Variants in ADAMTSL1 observed in about 807,000 individuals in gnomAD.
The protein encoded by ADAMTSL1 is ADAMTS like 1.
ADAMTSL1 carries 126 observed loss-of-function variants against 201.8 expected under a neutral mutation model. The ratio of observed to expected loss-of-function variants is 0.62; its 90% confidence interval spans 0.54 to 0.72. The LOEUF is 0.72. Ranked by LOEUF, ADAMTSL1 falls within the 30% of genes least tolerant of loss-of-function variation. ADAMTSL1 has a pLI of 0.00. For missense variants in ADAMTSL1, 2,679 were observed against 2,277.8 expected (o/e 1.18, Z -3.59); for synonymous variants, 1,121 against 903.4 (o/e 1.24, Z -4.32).
intron 1 of ADAMTSL1, among the ~76,000 whole-genome samples, chr9:18,096,668 G>T (rs1156817816): frequency 1.3e-5 from 2 of 152,134 alleles, no homozygotes; most frequent in African/African-American, 2.4e-5. Context: ...TTAAAATACA[G>T]ACATTAAGAA....
chr9:18,207,887 C>A (rs540443648), intron 2 of ADAMTSL1, among the ~76,000 whole-genome samples: 1 of 150,418 alleles, frequency 6.6e-6, no homozygotes, highest in East Asian at 2.0e-4. Flanking sequence ...TAAAAAAAAA[C>A]AAGATAGAAT....
At chr9:18,710,464 A>G (rs2133351764) in intron 14 of ADAMTSL1, among the ~76,000 whole-genome samples, 1 of 152,314 alleles carries the variant, frequency 6.6e-6, no homozygotes, top group Admixed American at 6.5e-5. Flanking sequence ...ACTTCAGATT[A>G]GAATGTAGTA....
In ADAMTSL1 at chr9:18,776,867, C is replaced by A; in HGVS notation, c.2638C>A (p.His880Asn). Reference protein sequence around the residue: ...YIQTRRQRKLHFVVGGFAYLL... With the variant: ...YIQTRRQRKLNFVVGGFAYLL... ...ACAGACTCGCAGGCAGAGGAAGCTGCACTTCGTGGTGGGGGGCTTCGCCTA... is the reference window on the plus strand; with the variant it reads ...ACAGACTCGCAGGCAGAGGAAGCTGAACTTCGTGGTGGGGGGCTTCGCCTA... Residue 880 changes from histidine to asparagine, a missense_variant, in exon 19 of 29, where the codon CAC (histidine) becomes AAC (asparagine). His to Asn is a moderately conservative substitution (Grantham distance 68, BLOSUM62 1). Transcript: ENST00000380548. 1 of 1,610,492 alleles carries A rather than the reference C, an allele frequency of 6.2e-7. No individual in the cohort carries two copies. The highest frequency in any genetic ancestry group is 8.5e-7 in the Non-Finnish European group (1 of 1,178,834).
rs191585974 is a variant in ADAMTSL1 at position 18,371,176 on chromosome 9, C to G, written c.208-133653C>G. On this transcript the variant is annotated intron_variant, in intron 2 of 29. Transcript: ENST00000680146. The stretch of plus-strand genomic sequence containing the variant: ...TACTTATACAATTTTTATTCATGTT[C>G]TGATGCTTTGTTTTTTGAGCCATAT... Among the ~76,000 whole-genome samples, 14 of 152,158 alleles carry G rather than the reference C, an allele frequency of 9.2e-5. No homozygotes were observed. The East Asian group carries it at 2.7e-3, about 29-fold the overall frequency.
Position 18,052,437 on chromosome 9 carries a change from G to T in ADAMTSL1, c.88-111425G>T, listed in dbSNP as rs554331217. Among the ~76,000 whole-genome samples, 17 of 152,240 alleles carry T rather than the reference G, an allele frequency of 1.1e-4. 1 individual carries two copies. The highest frequency in any genetic ancestry group is 4.1e-4 in the African/African-American group (17 of 41,532). On this transcript the variant is annotated intron_variant, in intron 1 of 29. Transcript: ENST00000680146. The stretch of plus-strand genomic sequence containing the variant: ...GTAAGAGTTGAGCCAATGGAGAGAT[G>T]GGGGAGAAGGTTCTAGGCAGAGAAA...
At chr9:18,274,221 G>T (rs971903707) in intron 2 of ADAMTSL1, among the ~76,000 whole-genome samples, 1 of 152,160 alleles carries the variant, frequency 6.6e-6, no homozygotes, top group Admixed American at 6.5e-5. Context: ...CTATCGCTAC[G>T]CATGGTTTAT....
chr9:18,439,110 G>C (rs1819883437), intron 2 of ADAMTSL1, among the ~76,000 whole-genome samples: 1 of 152,006 alleles, frequency 6.6e-6, no homozygotes, highest in Non-Finnish European at 1.5e-5. Context: ...ACGGAACATG[G>C]TGTCGTCTTC....
At chr9:18,751,934 CA>C (rs1819493956) in intron 15 of ADAMTSL1, among the ~76,000 whole-genome samples, 1 of 4,638 alleles carries the variant, frequency 2.2e-4, no homozygotes, top group Admixed American at 1.3e-3. Flanking sequence ...ACTAAAAATA[CA>C]AAAAAATTAG....
intron 1 of ADAMTSL1, among the ~76,000 whole-genome samples, chr9:18,042,814 TC>T (rs1243531766): frequency 6.6e-6 from 1 of 152,138 alleles, no homozygotes; most frequent in Non-Finnish European, 1.5e-5. Context: ...TCCATTTAAA[TC>T]ATGACTGATA....
intron 2 of ADAMTSL1, among the ~76,000 whole-genome samples, chr9:18,237,081 A>G (rs568084856): frequency 6.6e-6 from 1 of 152,372 alleles, no homozygotes; most frequent in South Asian, 2.1e-4. Context: ...TCCAAGTGAA[A>G]ATAGATCCAG....
intron 1 of ADAMTSL1, among the ~76,000 whole-genome samples, chr9:18,127,050 C>G (rs1825760357): frequency 6.6e-6 from 1 of 152,042 alleles, no homozygotes; most frequent in South Asian, 2.1e-4. Context: ...AGGGAGGCAG[C>G]TAGGAGTTGT....
chr9:18,502,346 A>G (rs1315552489), intron 1 of ADAMTSL1, among the ~76,000 whole-genome samples: 7 of 152,240 alleles, frequency 4.6e-5, no homozygotes, highest in Non-Finnish European at 1.0e-4. Flanking sequence ...TTTGTCACTT[A>G]AATAGAAACT....
intron 16 of ADAMTSL1, among the ~76,000 whole-genome samples, chr9:18,768,259 T>C (rs1462692122): frequency 6.6e-6 from 1 of 152,170 alleles, no homozygotes; most frequent in Non-Finnish European, 1.5e-5. Flanking sequence ...ACGGTCACAC[T>C]ACCCTCCATT....
At chr9:18,501,166 A>G (rs1048106774) in intron 1 of ADAMTSL1, among the ~76,000 whole-genome samples, 2 of 152,162 alleles carry the variant, frequency 1.3e-5, no homozygotes, top group Non-Finnish European at 2.9e-5. Context: ...CAAAGTTTAC[A>G]CTTTAGAAAA....
chr9:18,731,366 C>A (rs941381657), intron 15 of ADAMTSL1, among the ~76,000 whole-genome samples: 24 of 152,128 alleles, frequency 1.6e-4, no homozygotes, highest in Admixed American at 1.4e-3. Flanking sequence ...TGTAGTGGCT[C>A]ATGTCTATAA....
At chr9:18,423,990 C>T (rs1167877116) in intron 2 of ADAMTSL1, among the ~76,000 whole-genome samples, 1 of 152,190 alleles carries the variant, frequency 6.6e-6, no homozygotes, top group African/African-American at 2.4e-5. Flanking sequence ...GTTAATAATG[C>T]TTCTGAAGAA....
At chr9:18,466,804 A>G (rs1821023705) in intron 2 of ADAMTSL1, among the ~76,000 whole-genome samples, 1 of 152,164 alleles carries the variant, frequency 6.6e-6, no homozygotes, top group African/African-American at 2.4e-5. Flanking sequence ...ATGTTAGCAA[A>G]TATAACCAAC....
At position 18,601,743 on chromosome 9, in the gene ADAMTSL1, T is replaced by C. The variant is rs144652875; in HGVS notation, c.475-20500T>C. Among the ~76,000 whole-genome samples, 249 of 151,870 alleles carry C rather than the reference T, an allele frequency of 1.6e-3. 1 individual carries two copies. The highest frequency in any genetic ancestry group is 5.8e-3 in the African/African-American group (241 of 41,490). The stretch of plus-strand genomic sequence containing the variant: ...ATAATGTATAGTATAATGTAGCACA[T>C]ATATACACATTTATATATTACATTA... On this transcript the variant is annotated intron_variant, in intron 4 of 28. Coordinates refer to ENST00000380548, the MANE Select transcript of ADAMTSL1 (RefSeq NM_001040272.6).
chr9:18,266,145 C>T (rs556533077), intron 2 of ADAMTSL1, among the ~76,000 whole-genome samples: 136 of 152,348 alleles, frequency 8.9e-4, no homozygotes, highest in Admixed American at 1.3e-3. Flanking sequence ...ACAGCAGGCG[C>T]CACTGCTGCT....
Sources: gnomAD v4.1 joint callset for allele counts (sites outside exome capture counted in the v4.1 genomes callset) on GRCh38, gnomAD v4.1.1 for gene constraint, MANE v1.5 for transcripts, NCBI Gene and HGNC (gene_info 2026-07-23, HGNC 2026-07-21) for gene names.